The following AP1M2 variants were observed in gnomAD, a reference collection of about 807,000 sequenced individuals.
AP1M2 encodes adaptor related protein complex 1 subunit mu 2.
Under a neutral mutation model 54.6 loss-of-function variants are expected in AP1M2, and 41 were observed. The ratio of observed to expected loss-of-function variants is 0.75; its 90% CI spans 0.59 to 0.97. The LOEUF (loss-of-function observed/expected upper bound fraction) is 0.97. AP1M2 is among the 50% of genes least tolerant of loss of function. The pLI is 0.00. For missense variants in AP1M2, 507 were observed against 561.2 expected (o/e 0.90, Z 0.98); for synonymous variants, 219 against 215.9 (o/e 1.01, Z -0.13).
In AP1M2 at chr19:10,584,069, G is replaced by A. The variant is rs1183076422; in HGVS notation, c.44C>T (p.Pro15Leu). 1.1e-5 allele frequency: 17 copies of A among 1,608,242 alleles called. No individual in the cohort carries two copies. The highest frequency in any genetic ancestry group is 1.4e-5 in the Non-Finnish European group (16 of 1,177,712). Residue 15 changes from proline to leucine, a missense_variant and splice_region_variant, in exon 2 of 12, where the codon CCA (proline) becomes CTA (leucine). Coordinates refer to ENST00000250244, the MANE Select transcript of AP1M2 (RefSeq NM_005498.5). The stretch of plus-strand genomic sequence containing the variant: ...GCCCTTGTAGTTGCGGCTGATCAAT[G>A]GCTGAGGGTGGAAGGAAAGGACCTG... ...AVFILDVKGK[P>L]LISRNYKGDV...
At chr19:10,583,711 G>A (rs1435458015) in intron 2 of AP1M2, 38 bp from the exon 3 acceptor site, 8 of 1,591,168 alleles carry the variant, frequency 5.0e-6, no homozygotes, top group African/African-American at 1.3e-5. Flanking sequence ...GCCATTTATG[G>A]AGAAGTAAAT....
chr19:10,585,638 T>C (rs959549082), intron 1 of AP1M2, among the ~76,000 whole-genome samples: 6 of 151,458 alleles, frequency 4.0e-5, no homozygotes, highest in African/African-American at 1.5e-4. Flanking sequence ...TGAAGGTTGC[T>C]GTGAGCTGAG....
intron 9 of AP1M2, among the ~76,000 whole-genome samples, chr19:10,576,934 C>T (rs1917253715): frequency 6.6e-6 from 1 of 152,144 alleles, no homozygotes; most frequent in Non-Finnish European, 1.5e-5. Flanking sequence ...GCTGGGATTT[C>T]AGGCGTGAGC....
At chr19:10,584,103 C>G in intron 1 of AP1M2, 33 bp from the exon 2 acceptor site, 1 of 1,596,940 alleles carries the variant, frequency 6.3e-7, no homozygotes, top group Non-Finnish European at 8.5e-7. Context: ...TGGTCACCAC[C>G]AGCATCCAAG....
In AP1M2 at chr19:10,579,867, C is replaced by CA. The variant is rs776345968; in HGVS notation, c.674-10dup. The CA allele has an allele frequency of 6.2e-7, 1 of 1,605,284 alleles. No homozygotes were observed. Among genetic ancestry groups the CA allele is most frequent in the South Asian group, 1.1e-5 (1 of 89,756 alleles). On this transcript the variant is annotated splice_polypyrimidine_tract_variant and intron_variant, in intron 6 of 11. Transcript: ENST00000250244. ...TGATTTGTTCTTGCTGCCTGAAACTCAGAGTGGAGAGTGGAGAGTGACCCT... is the reference window on the plus strand; with the variant it reads ...TGATTTGTTCTTGCTGCCTGAAACTCAAGAGTGGAGAGTGGAGAGTGACCCT...
chr19:10,583,726 T>C, intron 2 of AP1M2, 53 bp from the exon 3 acceptor site: 1 of 1,565,698 alleles, frequency 6.4e-7, no homozygotes. Flanking sequence ...GTAAATGGAA[T>C]ACAGACCCCG....
Position 10,581,630 on chromosome 19 carries a change from T to G in AP1M2, c.403A>C (p.Ile135Leu), listed in dbSNP as rs935846516. ...TCCAGCTTGTTGCTCTGCTGAGTGA[T>G]GTACCTGGAGGGAGGGCGGCAGGGA... ...TTDSKILQEY[I>L]TQQSNKLETG... Residue 135 changes from isoleucine (I) to leucine (L), a missense_variant, in exon 5 of 12, where the codon ATC becomes CTC. Physicochemically the swap from Ile to Leu is conservative, Grantham distance 5 (BLOSUM62 2). Transcript: ENST00000250244. 1 of 1,613,934 alleles carries G rather than the reference T, an allele frequency of 6.2e-7. No homozygotes were observed. The highest frequency in any genetic ancestry group is 8.5e-7 in the Non-Finnish European group (1 of 1,179,942).
At chr19:10,585,279 GAAAAAAAGAAAGAAAGAAA>G (rs1762673145) in intron 1 of AP1M2, among the ~76,000 whole-genome samples, 4 of 27,436 alleles carry the variant, frequency 1.5e-4, no homozygotes, top group African/African-American at 7.8e-4. Context: ...AAAGAAAGAA[GAAAAAAAGAAAGAAAGAAA>G]GAAAGAAAGA....
chr19:10,575,727 G>A (rs1414458616), intron 9 of AP1M2, among the ~76,000 whole-genome samples: 1 of 150,100 alleles, frequency 6.7e-6, no homozygotes, highest in Non-Finnish European at 1.5e-5. Flanking sequence ...GTACCTCTCT[G>A]ATTTACTTGT....
rs1555753887 is a variant in AP1M2, at chr19:10,585,298, A to AGAAAGAAG, written c.43-1229_43-1228insCTTCTTTC. Among the ~76,000 whole-genome samples the AGAAAGAAG allele has an allele frequency of 3.4e-3, 295 of 87,334 alleles. 1 individual carries two copies. Among genetic ancestry groups the AGAAAGAAG allele is most frequent in the African/African-American group, 0.011 (273 of 25,202 alleles). The allele number at this position is 87,334 out of a possible 152,430, so 57.3% of individuals were successfully genotyped here. A position where few individuals can be genotyped will look rare whatever the true frequency, so the allele number is the denominator to read the frequency against. ...AAAGAAGAAAAAAAGAAAGAAAGAAAGAAAGAAAGAAAGAAAGAAAGAAAG... is the reference window on the plus strand; with the variant it reads ...AAAGAAGAAAAAAAGAAAGAAAGAAAGAAAGAAGGAAAGAAAGAAAGAAAGAAAGAAAG... On this transcript the variant is annotated intron_variant, in intron 1 of 11. Coordinates refer to ENST00000250244, the MANE Select transcript of AP1M2 (RefSeq NM_005498.5).
chr19:10,585,400 T>C (rs1283803048), intron 1 of AP1M2, among the ~76,000 whole-genome samples: 1 of 151,966 alleles, frequency 6.6e-6, no homozygotes, highest in African/African-American at 2.4e-5. Flanking sequence ...AAGACACCCA[T>C]AATAGTAAAC....
At position 10,587,193 on chromosome 19, in the gene AP1M2, G is replaced by A. The variant is rs1310000208; in HGVS notation, c.39C>T (p.Gly13=). The change falls in exon 1 of 12, where the codon GGC becomes GGT. Residue 13 remains glycine, a synonymous_variant. Coordinates refer to ENST00000250244, the MANE Select transcript of AP1M2 (RefSeq NM_005498.5). ...ASAVFILDVK[G]KPLISRNYKG... ...AACTCCTCATGCCCAGCCTCACCTT[G>A]CCCTTAACGTCCAGAATGAAGACAG... 8 of 1,558,330 alleles carry A rather than the reference G, an allele frequency of 5.1e-6. No homozygotes were observed. The highest frequency in any genetic ancestry group is 7.0e-6 in the Non-Finnish European group (8 of 1,150,948).
chr19:10,576,564 A>G (rs944586923), intron 9 of AP1M2, among the ~76,000 whole-genome samples: 3 of 149,542 alleles, frequency 2.0e-5, no homozygotes, highest in African/African-American at 7.4e-5. Context: ...GCCCTGCCCT[A>G]ATTTTTGTAT....
At chr19:10,583,740 C>G (rs1917539652) in intron 2 of AP1M2, 67 bp from the exon 3 acceptor site, 3 of 1,538,946 alleles carry the variant, frequency 1.9e-6, no homozygotes, top group Non-Finnish European at 2.7e-6. Flanking sequence ...GACCCCGAAC[C>G]TCCACCCTGT....
chr19:10,583,306 T>C (rs2144768103), intron 3 of AP1M2, among the ~76,000 whole-genome samples: 1 of 152,028 alleles, frequency 6.6e-6, no homozygotes, highest in South Asian at 2.1e-4. Context: ...GCTGATGAGA[T>C]GCAGAGTGAT....
In AP1M2 at chr19:10,573,050, C is replaced by T. The variant is rs766458457; in HGVS notation, c.*16G>A. The T allele has an allele frequency of 3.2e-6, 5 of 1,562,324 alleles. No homozygotes were observed. The highest frequency in any genetic ancestry group is 2.4e-5 in the East Asian group (1 of 41,882). On this transcript the variant is annotated 3_prime_UTR_variant, in exon 12 of 12. Transcript: ENST00000250244. Reference sequence around the variant, plus strand: ...GTAAGGAAGCCCCGTGTTCAAGCCCCCATCTCTTCTCCCTTCTAGCTGGTA... The same window carrying T: ...GTAAGGAAGCCCCGTGTTCAAGCCCTCATCTCTTCTCCCTTCTAGCTGGTA...
chr19:10,573,107 G>A lies in AP1M2; in HGVS notation c.1250-19C>T, dbSNP rs1041356805. ...TGGTAATCTGCAGAGAAAGAATGAG[G>A]AGGGGCCATCTCAGAAATGGGGAGA... On this transcript the variant is annotated intron_variant, in intron 11 of 11. Coordinates refer to ENST00000250244, the MANE Select transcript of AP1M2 (RefSeq NM_005498.5). The A allele has an allele frequency of 2.6e-6, 4 of 1,559,758 alleles. No homozygotes were observed. Among genetic ancestry groups the A allele is most frequent in the Non-Finnish European group, 3.5e-6 (4 of 1,151,542 alleles).
intron 1 of AP1M2, 29 bp downstream of exon 1, chr19:10,587,161 G>C: frequency 6.4e-7 from 1 of 1,550,824 alleles, no homozygotes; most frequent in Non-Finnish European, 8.7e-7. Context: ...TCACCTGTCC[G>C]TCTCCCAACT....
rs866177131 is a variant in AP1M2 at position 10,576,735 on chromosome 19, C to T, written c.1047+463G>A. On this transcript the variant is annotated intron_variant, in intron 9 of 11. Transcript: ENST00000250244. ...TTTTTTTTTTTTTGAGACGGAGTCT[C>T]GTTCTGTTGCCCAGGCTGGAGTGTG... is the stretch of plus-strand genomic sequence containing the variant. Among the ~76,000 whole-genome samples the T allele has an allele frequency of 1.6e-3, 236 of 148,748 alleles. 1 individual carries two copies. Among genetic ancestry groups the T allele is most frequent in the African/African-American group, 5.5e-3 (220 of 40,258 alleles).
Sources: gnomAD v4.1 joint callset for allele counts (sites outside exome capture counted in the v4.1 genomes callset) on GRCh38, gnomAD v4.1.1 for gene constraint, MANE v1.5 for transcripts, NCBI Gene and HGNC (gene_info 2026-07-23, HGNC 2026-07-21) for gene names.